The following KDM4A variants were observed in gnomAD, a reference collection of about 807,000 sequenced individuals.
KDM4A encodes lysine-specific demethylase 4A.
KDM4A carries 23 observed loss-of-function variants against 127.1 expected under a neutral mutation model. The observed-to-expected ratio is 0.18, with a 90% CI of 0.13 to 0.26. The LOEUF is 0.26. Ranked by LOEUF, KDM4A falls within the 10% of genes least tolerant of loss-of-function variation. KDM4A has a pLI of 1.00. For synonymous variants in KDM4A, 443 were observed against 466.5 expected (o/e 0.95, Z 0.65); for missense variants, 890 against 1,329.1 (o/e 0.67, Z 5.14).
intron 14 of KDM4A, 101 bp from the exon 15 acceptor site, chr1:43,691,395 T>G: frequency 1.0e-6 from 1 of 978,750 alleles, no homozygotes; most frequent in Non-Finnish European, 1.6e-6. Flanking sequence ...TCTGTGAGAT[T>G]TGGTTGTAGC....
In KDM4A at chr1:43,655,635, C is replaced by T. The variant is rs1406827071; in HGVS notation, c.183C>T (p.Asp61=). The change falls in exon 3 of 22, where the codon GAC becomes GAT. Residue 61 remains aspartate (D), a synonymous_variant. Coordinates refer to ENST00000372396, the MANE Select transcript of KDM4A (RefSeq NM_014663.3). ...GGAAGCCACGAGCATCCTATGATGA[C>T]ATTGATGATTTGGTCATTCCTGCCC... ...KEWKPRASYD[D]IDDLVIPAPI... is the part of the protein sequence containing the mutation. The T allele has an allele frequency of 5.0e-6, 8 of 1,613,010 alleles. No homozygotes were observed. The highest frequency in any genetic ancestry group is 5.9e-6 in the Non-Finnish European group (7 of 1,179,728).
intron 4 of KDM4A, 26 bp downstream of exon 4, chr1:43,660,438 G>C: frequency 6.4e-7 from 1 of 1,569,164 alleles, no homozygotes; most frequent in East Asian, 2.4e-5. Context: ...AACCCTCTGT[G>C]CAGTGTTTTT....
intron 10 of KDM4A, 140 bp from the exon 11 acceptor site, chr1:43,671,365 G>C: frequency 1.2e-6 from 1 of 826,984 alleles, no homozygotes; most frequent in East Asian, 2.8e-5. Flanking sequence ...CTGGCTCACA[G>C]TGCCCCTCAG....
intron 15 of KDM4A, 26 bp downstream of exon 15, chr1:43,691,598 C>A: frequency 6.3e-7 from 1 of 1,592,842 alleles, no homozygotes; most frequent in Non-Finnish European, 8.6e-7. Flanking sequence ...CTGTTACTGT[C>A]TTCACCATGA....
chr1:43,697,919 A>G lies in KDM4A; in HGVS notation c.2747A>G (p.Gln916Arg), dbSNP rs747751523. 1.9e-6 allele frequency: 3 copies of G among 1,613,320 alleles called. No homozygotes were observed. Among genetic ancestry groups the G allele is most frequent in the South Asian group, 1.1e-5 (1 of 91,046 alleles). Residue 916 changes from glutamine (Q) to arginine (R), a missense_variant, in exon 19 of 22, where the codon CAG (glutamine) becomes CGG (arginine). Transcript: ENST00000372396. ...AAGCATAAGAACGGGCGCTTCTACC[A>G]GTGTGAAGTGGTCAGGCTCACCACC... ...ISKHKNGRFYQCEVVRLTTET... is the reference protein window; with the variant it reads ...ISKHKNGRFYRCEVVRLTTET...
In KDM4A at chr1:43,658,461, C is replaced by G. The variant is rs184837529; in HGVS notation, c.315-1837C>G. ...TGTTAGGTCTCTAAAATTTATTATT[C>G]CCTAGGTTGACATTAAAGTGTAAGG... is the stretch of plus-strand genomic sequence containing the variant. On this transcript the variant is annotated intron_variant, in intron 3 of 21. Coordinates refer to ENST00000372396, the MANE Select transcript of KDM4A (RefSeq NM_014663.3). Among the ~76,000 whole-genome samples, 112 of 151,214 alleles carry G rather than the reference C, an allele frequency of 7.4e-4. 1 individual carries two copies. In the East Asian group the frequency reaches 0.018, roughly 25 times the overall value.
intron 3 of KDM4A, among the ~76,000 whole-genome samples, chr1:43,659,153 TGTG>T (rs1660314714): frequency 6.6e-6 from 1 of 152,082 alleles, no homozygotes; most frequent in East Asian, 1.9e-4. Flanking sequence ...AAACACCAGA[TGTG>T]GTGGTGTACA....
intron 11 of KDM4A, among the ~76,000 whole-genome samples, chr1:43,672,088 A>T (rs969447795): frequency 2.0e-5 from 3 of 152,092 alleles, no homozygotes; most frequent in Non-Finnish European, 2.9e-5. Context: ...CTTTGCTGGG[A>T]GTTGCTTTTC....
At position 43,694,592 on chromosome 1, in the gene KDM4A, T is replaced by C. The variant is rs1661198719; in HGVS notation, c.2485-117T>C. The C allele has an allele frequency of 1.2e-6, 1 of 804,508 alleles. No individual in the cohort carries two copies. Among genetic ancestry groups the C allele is most frequent in the East Asian group, 2.5e-5 (1 of 40,320 alleles). 49.8% of individuals were successfully genotyped at this position (804,508 alleles called of 1,614,324 possible). Reference sequence around the variant, plus strand: ...GGATTAGAGCAGGCTGGTGTGTCCTTGTATTTTGGGAAGGGGCTGGCTCTT... The same window carrying C: ...GGATTAGAGCAGGCTGGTGTGTCCTCGTATTTTGGGAAGGGGCTGGCTCTT... On this transcript the variant is annotated intron_variant, in intron 17 of 21. Coordinates refer to ENST00000372396, the MANE Select transcript of KDM4A (RefSeq NM_014663.3). The surrounding 1 kb of genome is among the most constrained non-coding windows in gnomAD (Gnocchi z 5.2).
chr1:43,691,121 C>G, intron 14 of KDM4A, 72 bp downstream of exon 14: 1 of 1,447,874 alleles, frequency 6.9e-7, no homozygotes, highest in Non-Finnish European at 9.7e-7. Flanking sequence ...TTCTTGCCAC[C>G]TCCTGGCCTC....
At chr1:43,692,234 C>T (rs1352856796) in intron 15 of KDM4A, 22 bp from the exon 16 acceptor site, 2 of 1,612,994 alleles carry the variant, frequency 1.2e-6, no homozygotes, top group African/African-American at 2.7e-5. Context: ...ACCACTTTTT[C>T]CTCCCTCTCC....
chr1:43,674,107 C>T (rs1660687394), intron 11 of KDM4A, among the ~76,000 whole-genome samples: 1 of 152,028 alleles, frequency 6.6e-6, no homozygotes, highest in African/African-American at 2.4e-5. Context: ...CACTCTTGGC[C>T]AATTTTTGTA....
At chr1:43,669,902 C>T (rs1231268461) in intron 10 of KDM4A, among the ~76,000 whole-genome samples, 1 of 152,130 alleles carries the variant, frequency 6.6e-6, no homozygotes, top group Non-Finnish European at 1.5e-5. Flanking sequence ...ATCCGCCTGC[C>T]TCGGCCTCCC....
chr1:43,691,685 G>A (rs529344310), intron 15 of KDM4A, 113 bp downstream of exon 15: 36 of 888,670 alleles, frequency 4.1e-5, no homozygotes, highest in African/African-American at 1.6e-4. Flanking sequence ...GGTCTGGTAC[G>A]CGGTGATGTC....
intron 11 of KDM4A, among the ~76,000 whole-genome samples, chr1:43,680,121 CAGG>C (rs1660825471): frequency 2.0e-5 from 3 of 152,124 alleles, no homozygotes; most frequent in Admixed American, 2.0e-4. Flanking sequence ...GCCATGGTAG[CAGG>C]AGGAGTACTG....
chr1:43,666,222 T>C (rs545402120), intron 6 of KDM4A: 1 of 505,290 alleles, frequency 2.0e-6, no homozygotes, highest in Non-Finnish European at 3.5e-6. Context: ...TTGGGTGACC[T>C]TGGTTTCCCA....
intron 18 of KDM4A, among the ~76,000 whole-genome samples, chr1:43,696,502 C>T (rs143429872): frequency 0.011 from 1,609 of 152,254 alleles, 15 homozygotes; most frequent in Middle Eastern, 0.024. Context: ...AGATGTTGAA[C>T]GTGACAGGTG....
rs910371657 is a variant in KDM4A, at chr1:43,688,437, T to C, written c.1856-477T>C. On this transcript the variant is annotated intron_variant, in intron 12 of 21. Transcript: ENST00000372396. The surrounding 1 kb of genome is among the most constrained non-coding windows in gnomAD (Gnocchi z 4.4). ...TAAGTCCTGGCCAAGGACCATGATA[T>C]TACAACTTTTAAGCTTTGCCAATTC... Among the ~76,000 whole-genome samples, 2 of 152,036 alleles carry C rather than the reference T, an allele frequency of 1.3e-5. No individual in the cohort carries two copies. The highest frequency in any genetic ancestry group is 4.8e-5 in the African/African-American group (2 of 41,286).
chr1:43,666,429 C>T (rs1480171351), intron 6 of KDM4A, 23 bp from the exon 7 acceptor site: 1 of 1,597,892 alleles, frequency 6.3e-7, no homozygotes, highest in Non-Finnish European at 8.6e-7. Context: ...ACTGTGTTAA[C>T]CTGTACCCTT....
Sources: allele counts gnomAD v4.1 joint callset (sites outside exome capture counted in the v4.1 genomes callset), GRCh38; gene constraint gnomAD v4.1.1; non-coding constraint Gnocchi (gnomAD v3.1); transcripts MANE v1.5; gene names NCBI Gene and HGNC (gene_info 2026-07-23, HGNC 2026-07-21).